Variants in SAMD8 observed in about 807,000 individuals in gnomAD.
SAMD8 encodes the protein sterile alpha motif domain containing 8, also known as sphingomyelin synthase-related protein 1.
SAMD8 carries 20 observed loss-of-function variants against 42.0 expected under a neutral mutation model. The ratio of observed to expected loss-of-function variants is 0.48; its 90% CI spans 0.34 to 0.69. The LOEUF (loss-of-function observed/expected upper bound fraction) is 0.69, where lower values mean the gene tolerates loss of function less well. Ranked by LOEUF, SAMD8 falls within the 30% of genes least tolerant of loss-of-function variation. SAMD8 has a pLI of 0.01. For missense variants in SAMD8, 328 were observed against 511.6 expected (o/e 0.64, Z 3.46); for synonymous variants, 162 against 173.0 (o/e 0.94, Z 0.50).
chr10:75,118,387 G>C (rs1265599925), intron 1 of SAMD8, among the ~76,000 whole-genome samples: 1 of 152,266 alleles, frequency 6.6e-6, no homozygotes, highest in Non-Finnish European at 1.5e-5. Flanking sequence ...GCTTGCGCCT[G>C]TAATCCCAGC....
At chr10:75,108,016 G>A (rs1848622014), upstream of SAMD8, 3 of 1,613,130 alleles carry the variant, frequency 1.9e-6, no homozygotes, top group African/African-American at 1.3e-5. Flanking sequence ...AGGGCACGGT[G>A]GATGAAGTCA....
At chr10:75,170,760 G>GT (rs1840834371) in intron 4 of SAMD8, among the ~76,000 whole-genome samples, 1 of 131,926 alleles carries the variant, frequency 7.6e-6, no homozygotes, top group Non-Finnish European at 1.6e-5. Flanking sequence ...ACTCATATAA[G>GT]TTTTTTTGGG....
intron 1 of SAMD8, chr10:75,105,618 T>G (rs1018241594): frequency 2.9e-5 from 44 of 1,522,846 alleles, no homozygotes; most frequent in Middle Eastern, 2.3e-4. Context: ...TCACCTGGCC[T>G]CTTCCGGCCA....
chr10:75,151,936 A>G (rs1840297891), intron 2 of SAMD8, among the ~76,000 whole-genome samples: 2 of 151,830 alleles, frequency 1.3e-5, no homozygotes, highest in Non-Finnish European at 2.9e-5. Flanking sequence ...CAGTCCGCCT[A>G]CCTCGGCCTC....
intron 4 of SAMD8, among the ~76,000 whole-genome samples, chr10:75,171,456 C>T (rs1336948429): frequency 2.0e-5 from 3 of 152,040 alleles, no homozygotes; most frequent in Admixed American, 6.5e-5. Context: ...CGTGAGCCAT[C>T]GCGCCCAGCC....
chr10:75,174,568 G>A (rs1840946658), intron 4 of SAMD8, among the ~76,000 whole-genome samples: 1 of 151,406 alleles, frequency 6.6e-6, no homozygotes, highest in African/African-American at 2.4e-5. Flanking sequence ...CTGAGTAGCT[G>A]GGATTACAGG....
At chr10:75,145,784 C>T (rs953670977) in intron 1 of SAMD8, among the ~76,000 whole-genome samples, 1 of 152,136 alleles carries the variant, frequency 6.6e-6, no homozygotes, top group Admixed American at 6.6e-5. Context: ...GAGGATTGCC[C>T]GCAGTTGAGA....
intron 4 of SAMD8, among the ~76,000 whole-genome samples, chr10:75,170,174 A>G (rs1672279867): frequency 6.6e-6 from 1 of 152,218 alleles, no homozygotes; most frequent in African/African-American, 2.4e-5. Context: ...ATTTGCAAAG[A>G]ATTTTGTCCA....
rs192961059 is a variant in SAMD8, at chr10:75,101,126, A to G, written c.-16+1398A>G. 3.5e-3 allele frequency among the ~76,000 whole-genome samples: 540 copies of G among 152,228 alleles called. 2 individuals are homozygous for G. The highest frequency in any genetic ancestry group is 0.012 in the African/African-American group (515 of 41,530). On this transcript the variant is annotated intron_variant, in intron 1 of 3. Coordinates refer to the SAMD8 transcript ENST00000447533. Reference sequence around the variant, plus strand: ...TGCAGAAGGGTGGCGTGTGGCTGCCAGTGGGGAACAGCTGTGGGTCTCTGT... The same window carrying G: ...TGCAGAAGGGTGGCGTGTGGCTGCCGGTGGGGAACAGCTGTGGGTCTCTGT...
At position 75,103,863 on chromosome 10, in the gene SAMD8, G is replaced by A. The variant is rs928546490; in HGVS notation, c.-16+4135G>A. On this transcript the variant is annotated intron_variant, in intron 1 of 3. Transcript: ENST00000447533. ...TGGGGTCCCTGGCCAAGAAGCCTGA[G>A]GGCTTGGCTGAGAGGGGAGCCCACT... 12 of 1,286,890 alleles carry A rather than the reference G, an allele frequency of 9.3e-6. No homozygotes were observed. In the Admixed American group the frequency reaches 1.9e-4, roughly 20 times the overall value. 79.7% of individuals were successfully genotyped at this position (1,286,890 alleles called of 1,614,324 possible). A position where few individuals can be genotyped will look rare whatever the true frequency, so the allele number is the denominator to read the frequency against.
intron 1 of SAMD8, among the ~76,000 whole-genome samples, chr10:75,100,491 G>A (rs1313761809): frequency 6.6e-6 from 1 of 152,050 alleles, no homozygotes; most frequent in Non-Finnish European, 1.5e-5. Flanking sequence ...TGGCAGCTCC[G>A]CCGGTTTCTG....
At position 75,178,745 on chromosome 10, in the gene SAMD8, A is replaced by G. The variant is rs1282101375; in HGVS notation, c.*2053A>G. ...TAGCAAGACCCATTCTCTTAAAAAC[A>G]TGGCTGGGTGCAATGGCTCACGCCT... On this transcript the variant is annotated 3_prime_UTR_variant, in exon 6 of 6. Coordinates refer to ENST00000542569, the MANE Select transcript of SAMD8 (RefSeq NM_001174156.2). 3 of 152,258 alleles carry G rather than the reference A, an allele frequency of 2.0e-5. No homozygotes were observed. The highest frequency in any genetic ancestry group is 4.4e-5 in the Non-Finnish European group (3 of 68,140). The allele number at this position is 152,258 out of a possible 1,614,324, so 9.4% of individuals were successfully genotyped here. A position where few individuals can be genotyped will look rare whatever the true frequency, so the allele number is the denominator to read the frequency against.
intron 1 of SAMD8, among the ~76,000 whole-genome samples, chr10:75,106,169 T>C (rs2134388615): frequency 6.7e-6 from 1 of 150,170 alleles, no homozygotes; most frequent in South Asian, 2.1e-4. Flanking sequence ...CTTGAACTCC[T>C]GAACTTAAGT....
At chr10:75,130,268 G>A (rs12245815) in intron 1 of SAMD8, among the ~76,000 whole-genome samples, 28,719 of 151,918 alleles carry the variant, frequency 0.19, 2,981 homozygotes, top group East Asian at 0.26. Context: ...TTGGTAGGCC[G>A]AGGCAGGCAG....
chr10:75,101,788 C>A, intron 1 of SAMD8: 3 of 829,564 alleles, frequency 3.6e-6, no homozygotes, highest in South Asian at 2.7e-5. Context: ...CCCACACAGG[C>A]ACAAGTGTCC....
At chr10:75,142,376 A>G (rs1248586219) in intron 1 of SAMD8, among the ~76,000 whole-genome samples, 1 of 151,956 alleles carries the variant, frequency 6.6e-6, no homozygotes, top group Admixed American at 6.6e-5. Context: ...CCTTTGTGCT[A>G]TTGTTAACAT....
chr10:75,102,727 C>T (rs903085803), intron 1 of SAMD8, among the ~76,000 whole-genome samples: 9 of 152,028 alleles, frequency 5.9e-5, no homozygotes, highest in Admixed American at 2.6e-4. Flanking sequence ...CCGAGGTGGG[C>T]GGATCACCTG....
At position 75,100,540 on chromosome 10, in the gene SAMD8, C is replaced by T. The variant is rs139847914; in HGVS notation, c.-16+812C>T. Among the ~76,000 whole-genome samples, 486 of 152,304 alleles carry T rather than the reference C, an allele frequency of 3.2e-3. 2 individuals are homozygous for T. The highest frequency in any genetic ancestry group is 4.6e-3 in the Non-Finnish European group (310 of 68,006). Reference sequence around the variant, plus strand: ...GGTCTTCGGAGGGCCCTGCCTGACACTACATTCCATGTCTCCTTGTCCCCA... The same window carrying T: ...GGTCTTCGGAGGGCCCTGCCTGACATTACATTCCATGTCTCCTTGTCCCCA... On this transcript the variant is annotated intron_variant, in intron 1 of 3. Transcript: ENST00000447533.
chr10:75,161,801 C>T (rs527653688), intron 2 of SAMD8, among the ~76,000 whole-genome samples: 1 of 151,566 alleles, frequency 6.6e-6, no homozygotes, highest in Admixed American at 6.6e-5. Context: ...CTTTGGGAGG[C>T]CGAGGTGGCC....
Sources: allele counts gnomAD v4.1 joint callset (sites outside exome capture counted in the v4.1 genomes callset), GRCh38; gene constraint gnomAD v4.1.1; transcripts MANE v1.5; gene names NCBI Gene and HGNC (gene_info 2026-07-23, HGNC 2026-07-21).